Variants in PRKAG2 observed in about 807,000 individuals in gnomAD.
PRKAG2 encodes 5'-AMP-activated protein kinase subunit gamma-2.
Under a neutral mutation model 69.6 loss-of-function variants are expected in PRKAG2, and 26 were observed. The observed-to-expected ratio is 0.37, with a 90% confidence interval of 0.27 to 0.52. PRKAG2 has a LOEUF of 0.52. PRKAG2 is among the 20% of genes least tolerant of loss of function. The probability of loss-of-function intolerance (pLI) is 0.90; values close to 1 mark genes in which losing one functional copy is unlikely to be tolerated. For missense variants in PRKAG2, 557 were observed against 740.0 expected, an observed-to-expected ratio of 0.75 and a Z score of 2.87; for synonymous variants, 293 against 285.0, an observed-to-expected ratio of 1.03 and a Z score of -0.28.
chr7:151,856,472 A>T (rs1234445564), intron 1 of PRKAG2, among the ~76,000 whole-genome samples: 1 of 152,202 alleles, frequency 6.6e-6, no homozygotes, highest in Non-Finnish European at 1.5e-5. Flanking sequence ...AGACGAAAAG[A>T]CGTCCTGCAG....
chr7:151,684,764 C>A (rs2151505869), intron 3 of PRKAG2, among the ~76,000 whole-genome samples: 1 of 152,222 alleles, frequency 6.6e-6, no homozygotes, highest in East Asian at 1.9e-4. Context: ...CCCAGCTGAG[C>A]CCTCTCTGAC....
chr7:151,747,283 C>T (rs1563580991), intron 3 of PRKAG2, among the ~76,000 whole-genome samples: 2 of 152,148 alleles, frequency 1.3e-5, no homozygotes, highest in Non-Finnish European at 2.9e-5. Context: ...AATAAGAAAA[C>T]TGTTGGCTCT....
At chr7:151,871,949 G>A (rs1262945879) in intron 1 of PRKAG2, among the ~76,000 whole-genome samples, 4 of 152,172 alleles carry the variant, frequency 2.6e-5, no homozygotes, top group Non-Finnish European at 4.4e-5. Context: ...CCAGTCACAG[G>A]CCAGCCAGGG....
Position 151,866,803 on chromosome 7 carries a change from C to T in PRKAG2, c.114+9704G>A, listed in dbSNP as rs567682385. On this transcript the variant is annotated intron_variant, in intron 1 of 15. Transcript: ENST00000287878. ...CAAATGGCTGTGTGGAGCCTGCCTG[C>T]CTGCCCGTCTTCTGGAAGTTGAGCA... 2.0e-5 allele frequency among the ~76,000 whole-genome samples: 3 copies of T among 152,266 alleles called. No individual in the cohort carries two copies. The East Asian group carries it at 5.8e-4, about 29-fold the overall frequency.
At chr7:151,797,738 A>G (rs528017581) in intron 1 of PRKAG2, among the ~76,000 whole-genome samples, 1 of 152,350 alleles carries the variant, frequency 6.6e-6, no homozygotes, top group African/African-American at 2.4e-5. Flanking sequence ...TTAAAAAGCA[A>G]GCCAGGGCTT....
At chr7:151,732,573 G>A (rs1030731867) in intron 3 of PRKAG2, among the ~76,000 whole-genome samples, 2 of 152,186 alleles carry the variant, frequency 1.3e-5, no homozygotes, top group East Asian at 1.9e-4. Flanking sequence ...TCCAGCTATC[G>A]CAGAGCCAGC....
intron 5 of PRKAG2, among the ~76,000 whole-genome samples, chr7:151,626,067 G>A (rs1244326560): frequency 6.6e-6 from 1 of 152,212 alleles, no homozygotes; most frequent in South Asian, 2.1e-4. Context: ...AGGAAGCAGA[G>A]AAAGTTCTGA....
chr7:151,575,084 T>C (rs1300724903), intron 7 of PRKAG2, 135 bp from the exon 8 acceptor site: 2 of 1,297,756 alleles, frequency 1.5e-6, no homozygotes, highest in Non-Finnish European at 2.1e-6. Context: ...GAGTTTAATA[T>C]ATTATTTAAA....
intron 3 of PRKAG2, among the ~76,000 whole-genome samples, chr7:151,706,040 C>A (rs1838543160): frequency 6.6e-6 from 1 of 152,126 alleles, no homozygotes; most frequent in Non-Finnish European, 1.5e-5. Flanking sequence ...GTATGTGAAA[C>A]CATGTTGTAC....
chr7:151,625,221 T>C (rs897095197), intron 5 of PRKAG2, among the ~76,000 whole-genome samples: 1 of 152,116 alleles, frequency 6.6e-6, no homozygotes, highest in Non-Finnish European at 1.5e-5. Context: ...GGAAGCGACA[T>C]CTAACCTGAG....
intron 3 of PRKAG2, among the ~76,000 whole-genome samples, chr7:151,676,361 G>A (rs1014125355): frequency 4.6e-5 from 7 of 152,052 alleles, no homozygotes; most frequent in Non-Finnish European, 7.4e-5. Flanking sequence ...ACTTCACTGC[G>A]AAGATAAATA....
intron 5 of PRKAG2, among the ~76,000 whole-genome samples, chr7:151,630,199 T>G (rs187965325): frequency 6.6e-6 from 1 of 152,116 alleles, no homozygotes; most frequent in African/African-American, 2.4e-5. Flanking sequence ...TTTAATACTT[T>G]ACATTCATTA....
intron 1 of PRKAG2, among the ~76,000 whole-genome samples, chr7:151,838,404 C>A (rs1467816299): frequency 6.6e-6 from 1 of 151,912 alleles, no homozygotes; most frequent in Non-Finnish European, 1.5e-5. Flanking sequence ...TGATTTGACA[C>A]AAGACCACCA....
At position 151,699,442 on chromosome 7, in the gene PRKAG2, T is replaced by C. The variant is rs146084813; in HGVS notation, c.467-23805A>G. On this transcript the variant is annotated intron_variant, in intron 3 of 15. Transcript: ENST00000287878. The surrounding 1 kb of genome is among the most constrained non-coding windows in gnomAD (Gnocchi z 4.5). ...CCCTGGAGCCGTGAATTCACTGGGA[T>C]TGAGATCATCTCGGCGACTTTATCA... 6.6e-6 allele frequency among the ~76,000 whole-genome samples: 1 copy of C among 152,246 alleles called. No individual in the cohort carries two copies. Among genetic ancestry groups the C allele is most frequent in the African/African-American group, 2.4e-5 (1 of 41,544 alleles).
chr7:151,867,792 T>C (rs1424523609), intron 1 of PRKAG2, among the ~76,000 whole-genome samples: 1 of 152,156 alleles, frequency 6.6e-6, no homozygotes, highest in Non-Finnish European at 1.5e-5. Context: ...TAAACATAGT[T>C]CTTAGCAATG....
In PRKAG2 at chr7:151,795,877, AT is replaced by A. The variant is rs1443756177; in HGVS notation, c.115-9337del. 4.2e-4 allele frequency among the ~76,000 whole-genome samples: 48 copies of A among 114,952 alleles called. 1 individual carries two copies. The highest frequency in any genetic ancestry group is 1.6e-3 in the African/African-American group (46 of 28,266). The allele number at this position is 114,952 out of a possible 152,430, so 75.4% of individuals were successfully genotyped here. A position where few individuals can be genotyped will look rare whatever the true frequency, so the allele number is the denominator to read the frequency against. Reference sequence around the variant, plus strand: ...TATATATATATATATATATATATATATATATATATATATCACGATAATATGT... The same window carrying A: ...TATATATATATATATATATATATATAATATATATATATCACGATAATATGT... On this transcript the variant is annotated intron_variant, in intron 1 of 15. Coordinates refer to ENST00000287878, the MANE Select transcript of PRKAG2 (RefSeq NM_016203.4).
At chr7:151,849,733 A>G (rs139877331) in intron 1 of PRKAG2, among the ~76,000 whole-genome samples, 156 of 152,062 alleles carry the variant, frequency 1.0e-3, no homozygotes, top group African/African-American at 3.5e-3. Context: ...CTGCTGTCCC[A>G]TGGCCTGCTC....
intron 3 of PRKAG2, among the ~76,000 whole-genome samples, chr7:151,714,644 C>T (rs1795874327): frequency 6.6e-6 from 1 of 152,146 alleles, no homozygotes; most frequent in Non-Finnish European, 1.5e-5. Flanking sequence ...TGTTAAACAT[C>T]TACTTCTAAA....
chr7:151,726,371 G>GACACAC (rs60238080), intron 3 of PRKAG2, among the ~76,000 whole-genome samples: 37,513 of 148,142 alleles, frequency 0.25, 5,419 homozygotes, highest in East Asian at 0.42. Flanking sequence ...AGGGAGGCAG[G>GACACAC]ACACACACAC....
Sources: gnomAD v4.1 joint callset for allele counts (sites outside exome capture counted in the v4.1 genomes callset) on GRCh38, gnomAD v4.1.1 for gene constraint, Gnocchi (gnomAD v3.1) non-coding constraint, MANE v1.5 for transcripts, NCBI Gene and HGNC (gene_info 2026-07-23, HGNC 2026-07-21) for gene names.